The following ACTR2 variants were observed in gnomAD, a reference collection of about 807,000 sequenced individuals.
The protein encoded by ACTR2 is actin related protein 2.
ACTR2 carries 5 observed loss-of-function variants against 50.2 expected under a neutral mutation model. The ratio of observed to expected loss-of-function variants is 0.10; its 90% CI spans 0.05 to 0.21. The LOEUF is 0.21. ACTR2 is among the 10% of genes least tolerant of loss of function. The probability of loss-of-function intolerance (pLI) is 1.00; values close to 1 mark genes in which losing one functional copy is unlikely to be tolerated. For missense variants in ACTR2, 180 were observed against 480.6 expected, an observed-to-expected ratio of 0.37 and a Z score of 5.85; for synonymous variants, 140 against 162.9, an observed-to-expected ratio of 0.86 and a Z score of 1.07.
intron 1 of ACTR2, among the ~76,000 whole-genome samples, chr2:65,231,971 C>G (rs557037943): frequency 1.6e-4 from 24 of 152,344 alleles, no homozygotes; most frequent in African/African-American, 5.3e-4. Flanking sequence ...TTTGTACTTA[C>G]GATCACATGA....
intron 3 of ACTR2, among the ~76,000 whole-genome samples, chr2:65,248,992 G>A (rs1426374174): frequency 6.6e-6 from 1 of 151,684 alleles, no homozygotes; most frequent in East Asian, 1.9e-4. Context: ...CAACCTGAGC[G>A]ACAGAGCGAG....
intron 5 of ACTR2, 117 bp downstream of exon 5, chr2:65,253,981 C>T (rs1672101539): frequency 1.4e-6 from 1 of 706,794 alleles, no homozygotes; most frequent in Non-Finnish European, 2.3e-6. Flanking sequence ...GAGAAATTAT[C>T]CAATTACCTC....
chr2:65,265,763 T>C (rs976982466), intron 8 of ACTR2, among the ~76,000 whole-genome samples: 2 of 152,226 alleles, frequency 1.3e-5, no homozygotes, highest in African/African-American at 4.8e-5. Context: ...TTTGTGTTTT[T>C]TCCACCAGAC....
At chr2:65,233,115 C>T (rs1273481865) in intron 1 of ACTR2, among the ~76,000 whole-genome samples, 1 of 151,914 alleles carries the variant, frequency 6.6e-6, no homozygotes, top group East Asian at 1.9e-4. Flanking sequence ...CTGCCTCAGC[C>T]TCCCCAGTAG....
chr2:65,251,010 T>C lies in ACTR2; in HGVS notation c.376-17T>C, dbSNP rs752927906. ...TTTTCTAAATACCAGTTTTTTTCTT[T>C]CTGTCTGCATTTACAGGTAATGTTT... On this transcript the variant is annotated splice_polypyrimidine_tract_variant and intron_variant, in intron 3 of 8. Transcript: ENST00000260641. The C allele has an allele frequency of 1.3e-5, 20 of 1,571,174 alleles. No individual in the cohort carries two copies. Among genetic ancestry groups the C allele is most frequent in the Non-Finnish European group, 1.6e-5 (19 of 1,158,158 alleles).
chr2:65,259,622 G>C (rs1276620650), intron 6 of ACTR2, among the ~76,000 whole-genome samples: 1 of 152,146 alleles, frequency 6.6e-6, no homozygotes, highest in Non-Finnish European at 1.5e-5. Flanking sequence ...TCAGCTACTT[G>C]GGGGGCTGAG....
At chr2:65,266,973 A>G (rs902765917) in intron 8 of ACTR2, among the ~76,000 whole-genome samples, 4 of 152,170 alleles carry the variant, frequency 2.6e-5, no homozygotes, top group Admixed American at 6.5e-5. Context: ...CAGTGGGGCT[A>G]TGGAGTTTTA....
chr2:65,261,351 A>G lies in ACTR2; in HGVS notation c.840A>G (p.Glu280=). Reference sequence around the variant, plus strand: ...ATGTTGAAGGAGTTGGTGTTGCTGAATTGCTTTTTAACACAATTCAGGCAG... The same window carrying G: ...ATGTTGAAGGAGTTGGTGTTGCTGAGTTGCTTTTTAACACAATTCAGGCAG... The part of the protein sequence containing the change: ...LINVEGVGVA[E]LLFNTIQAAD... The change falls in exon 7 of 9, where the codon GAA becomes GAG. Residue 280 remains glutamate (E), a synonymous_variant. Coordinates refer to ENST00000260641, the MANE Select transcript of ACTR2 (RefSeq NM_005722.4). 6.2e-7 allele frequency: 1 copy of G among 1,614,092 alleles called. No homozygotes were observed. The highest frequency in any genetic ancestry group is 1.1e-5 in the South Asian group (1 of 91,074).
At chr2:65,241,823 G>A (rs1268630720) in intron 2 of ACTR2, 1 of 432,048 alleles carries the variant, frequency 2.3e-6, no homozygotes, top group Admixed American at 4.0e-5. Flanking sequence ...CTGAAAAATG[G>A]AAATTTAAAT....
In ACTR2 at chr2:65,239,395, AG is replaced by A. The variant is rs529965842; in HGVS notation, c.49-456del. Reference sequence around the variant, plus strand: ...CTTGAACCCAGGAGGCGGAGGTTGCAGTGAGCCGAGATTGTGCCATTGCACT... The same window carrying A: ...CTTGAACCCAGGAGGCGGAGGTTGCATGAGCCGAGATTGTGCCATTGCACT... On this transcript the variant is annotated intron_variant, in intron 1 of 8. Coordinates refer to ENST00000260641, the MANE Select transcript of ACTR2 (RefSeq NM_005722.4). 2.1e-4 allele frequency among the ~76,000 whole-genome samples: 32 copies of A among 152,390 alleles called. No homozygotes were observed. The South Asian group carries it at 6.2e-3, about 30-fold the overall frequency.
chr2:65,267,948 T>C (rs1672412135), intron 8 of ACTR2, among the ~76,000 whole-genome samples: 1 of 137,430 alleles, frequency 7.3e-6, no homozygotes, highest in Non-Finnish European at 1.5e-5. Flanking sequence ...GTCATTCTCC[T>C]GCCTCAGCCT....
chr2:65,239,819 C>A, intron 1 of ACTR2, 33 bp from the exon 2 acceptor site: 1 of 1,271,108 alleles, frequency 7.9e-7, no homozygotes, highest in Non-Finnish European at 1.1e-6. Flanking sequence ...TATCCTGATG[C>A]TAACCCACTT....
intron 2 of ACTR2, among the ~76,000 whole-genome samples, chr2:65,243,960 T>TATTA (rs1671887859): frequency 6.6e-6 from 1 of 152,176 alleles, no homozygotes; most frequent in African/African-American, 2.4e-5. Context: ...AGGATTTTTT[T>TATTA]ATTAAAATTT....
In ACTR2 at chr2:65,265,338, A is replaced by C. The variant is rs1259202136; in HGVS notation, c.1014+163A>C. 6.0e-6 allele frequency: 5 copies of C among 828,932 alleles called. No homozygotes were observed. The African/African-American group carries it at 6.8e-5, about 11-fold the overall frequency. The allele number at this position is 828,932 out of a possible 1,614,324, so 51.3% of individuals were successfully genotyped here. On this transcript the variant is annotated intron_variant, in intron 8 of 8. Transcript: ENST00000260641. The stretch of plus-strand genomic sequence containing the variant: ...GATAGCAAGAAGGAAATAGTTCAAG[A>C]TAAGCTCTGGTCACCTCTATAGAGT...
At chr2:65,242,668 A>G (rs1345038933) in intron 2 of ACTR2, 1 of 510,312 alleles carries the variant, frequency 2.0e-6, no homozygotes, top group South Asian at 1.4e-5. Context: ...TTCTATAAAC[A>G]ACAGATTTCC....
chr2:65,266,951 T>C (rs900579032), intron 8 of ACTR2, among the ~76,000 whole-genome samples: 2 of 152,148 alleles, frequency 1.3e-5, no homozygotes. Context: ...AATGATCTGA[T>C]AGAATGAGTT....
At chr2:65,265,558 C>T (rs1048960022) in intron 8 of ACTR2, among the ~76,000 whole-genome samples, 9 of 152,166 alleles carry the variant, frequency 5.9e-5, no homozygotes, top group Non-Finnish European at 1.2e-4. Flanking sequence ...TTCTCTTGGG[C>T]TATCTCATAT....
At chr2:65,236,797 A>C (rs1039777395) in intron 1 of ACTR2, among the ~76,000 whole-genome samples, 2 of 151,926 alleles carry the variant, frequency 1.3e-5, no homozygotes, top group Non-Finnish European at 2.9e-5. Flanking sequence ...GGTCAGGCTG[A>C]TCTCAAACTT....
chr2:65,265,891 T>G (rs906372601), intron 8 of ACTR2, among the ~76,000 whole-genome samples: 12 of 152,226 alleles, frequency 7.9e-5, no homozygotes, highest in African/African-American at 2.9e-4. Flanking sequence ...GATAATGAGA[T>G]TATGTATTAC....
Sources: gnomAD v4.1 joint callset for allele counts (sites outside exome capture counted in the v4.1 genomes callset) on GRCh38, gnomAD v4.1.1 for gene constraint, MANE v1.5 for transcripts, NCBI Gene and HGNC (gene_info 2026-07-23, HGNC 2026-07-21) for gene names.